CSMD1: variants seen among roughly 807,000 people sequenced by gnomAD.
CSMD1 encodes CUB and Sushi multiple domains 1.
In CSMD1, 213 loss-of-function variants were observed where a neutral mutation model predicts 417.5. That is an observed-to-expected ratio of 0.51 (90% CI 0.46 to 0.57). The LOEUF is 0.57. Among genes scored for constraint, CSMD1 ranks in the 20% least tolerant of loss-of-function variants. CSMD1 has a pLI of 0.00. For missense variants in CSMD1, 6,923 were observed against 4,529.7 expected (o/e 1.53, Z -15.17); for synonymous variants, 2,862 against 1,736.8 (o/e 1.65, Z -16.11).
chr8:4,841,785 C>T (rs957547466), intron 1 of CSMD1, among the ~76,000 whole-genome samples: 2 of 151,766 alleles, frequency 1.3e-5, no homozygotes, highest in Non-Finnish European at 2.9e-5. Context: ...GTGGCACATG[C>T]CTGTAATCCT....
At chr8:3,745,847 T>C (rs1797041265) in intron 6 of CSMD1, among the ~76,000 whole-genome samples, 1 of 152,230 alleles carries the variant, frequency 6.6e-6, no homozygotes, top group Non-Finnish European at 1.5e-5. Context: ...GTGAATAATC[T>C]GTGGTTTCCC....
intron 1 of CSMD1, among the ~76,000 whole-genome samples, chr8:4,929,162 G>A (rs528297431): frequency 6.6e-6 from 1 of 152,282 alleles, no homozygotes; most frequent in South Asian, 2.1e-4. Context: ...CACAGAGAAA[G>A]ACATCAGAGA....
chr8:2,965,787 G>A lies in CSMD1; in HGVS notation c.9268C>T (p.Pro3090Ser), dbSNP rs747716686. ...TCACCAAACAAACCTTTGCAGACAG[G>A]TTTGCTCGGATTCCACCTGCCGTCT... Reference protein sequence around the residue: ...TKDGRWNPSKPVCKAVLCPQP... With the variant: ...TKDGRWNPSKSVCKAVLCPQP... Residue 3090 changes from proline to serine, a missense_variant, in exon 59 of 70, where the codon CCT becomes TCT. Pro to Ser is a moderately conservative substitution (Grantham distance 74, BLOSUM62 -1). Coordinates refer to ENST00000635120, the MANE Select transcript of CSMD1 (RefSeq NM_033225.6). 21 of 1,605,598 alleles carry A rather than the reference G, an allele frequency of 1.3e-5. No homozygotes were observed. The highest frequency in any genetic ancestry group is 1.8e-5 in the Non-Finnish European group (21 of 1,175,922).
At chr8:3,749,845 G>C (rs1360544239) in intron 6 of CSMD1, among the ~76,000 whole-genome samples, 1 of 151,980 alleles carries the variant, frequency 6.6e-6, no homozygotes, top group African/African-American at 2.4e-5. Flanking sequence ...GAACACTGAG[G>C]TGGTTCGCGG....
At chr8:4,796,733 C>T (rs1008447641) in intron 1 of CSMD1, among the ~76,000 whole-genome samples, 1 of 152,204 alleles carries the variant, frequency 6.6e-6, no homozygotes, top group African/African-American at 2.4e-5. Context: ...CAAAATCCCT[C>T]CCATTTTTTA....
At chr8:4,047,966 G>C (rs1013828738) in intron 3 of CSMD1, among the ~76,000 whole-genome samples, 72 of 152,124 alleles carry the variant, frequency 4.7e-4, no homozygotes, top group African/African-American at 1.7e-3. Context: ...TGAGTCCTTA[G>C]GCCTTGTTTC....
At chr8:3,594,117 T>G (rs574242046) in intron 8 of CSMD1, among the ~76,000 whole-genome samples, 2 of 152,304 alleles carry the variant, frequency 1.3e-5, no homozygotes, top group African/African-American at 4.8e-5. Context: ...AACATTTAGC[T>G]GCTCCTCACT....
At chr8:4,468,246 C>A (rs1328476637) in intron 2 of CSMD1, among the ~76,000 whole-genome samples, 1 of 152,192 alleles carries the variant, frequency 6.6e-6, no homozygotes, top group Non-Finnish European at 1.5e-5. Flanking sequence ...GGAGAGCTGG[C>A]TGACTTCTGA....
At chr8:4,104,039 C>G (rs143536697) in intron 3 of CSMD1, among the ~76,000 whole-genome samples, 10 of 152,224 alleles carry the variant, frequency 6.6e-5, no homozygotes, top group Admixed American at 1.3e-4. Flanking sequence ...CAGCCTGGCC[C>G]TTCTGGGCAT....
intron 1 of CSMD1, among the ~76,000 whole-genome samples, chr8:4,701,165 A>G (rs1459757528): frequency 2.6e-5 from 4 of 152,110 alleles, no homozygotes; most frequent in Admixed American, 2.0e-4. Context: ...GCTCCCCCAC[A>G]GCTAGGGGAG....
intron 5 of CSMD1, among the ~76,000 whole-genome samples, chr8:3,773,100 G>C (rs1464602207): frequency 6.6e-6 from 1 of 152,058 alleles, no homozygotes. Flanking sequence ...ACACTCACGA[G>C]GGCTCTGTCC....
chr8:3,822,809 T>C (rs1801812957), intron 5 of CSMD1, among the ~76,000 whole-genome samples: 2 of 152,290 alleles, frequency 1.3e-5, no homozygotes, highest in East Asian at 1.9e-4. Flanking sequence ...AACAGAACTT[T>C]GGGCTTATTT....
chr8:4,871,891 C>G (rs1017083722), intron 1 of CSMD1, among the ~76,000 whole-genome samples: 3 of 152,086 alleles, frequency 2.0e-5, no homozygotes, highest in Admixed American at 6.6e-5. Context: ...TGACACCTGT[C>G]TTTCCTTGCA....
intron 3 of CSMD1, among the ~76,000 whole-genome samples, chr8:4,192,579 T>C (rs992606788): frequency 1.3e-5 from 2 of 152,224 alleles, no homozygotes; most frequent in African/African-American, 2.4e-5. Context: ...GGTATTTTAC[T>C]CTTCATCAGC....
intron 1 of CSMD1, among the ~76,000 whole-genome samples, chr8:4,708,195 C>G (rs1159772776): frequency 6.6e-6 from 1 of 152,102 alleles, no homozygotes; most frequent in Non-Finnish European, 1.5e-5. Flanking sequence ...AACAATCCAC[C>G]TACCTGGGCC....
intron 1 of CSMD1, among the ~76,000 whole-genome samples, chr8:4,904,027 T>A (rs575410083): frequency 6.6e-6 from 1 of 152,312 alleles, no homozygotes; most frequent in Admixed American, 6.5e-5. Flanking sequence ...ATTTTAATAC[T>A]TTTTTTGGAG....
intron 3 of CSMD1, among the ~76,000 whole-genome samples, chr8:4,185,779 A>G (rs1332476873): frequency 6.6e-6 from 1 of 152,154 alleles, no homozygotes; most frequent in Non-Finnish European, 1.5e-5. Context: ...CTACCAGTGG[A>G]AATGTGTAAG....
chr8:4,387,912 A>C (rs1477714229), intron 3 of CSMD1, among the ~76,000 whole-genome samples: 4 of 152,146 alleles, frequency 2.6e-5, no homozygotes, highest in Non-Finnish European at 4.4e-5. Context: ...TATAAAGAAA[A>C]AAATATGACT....
rs111435720 is a variant in CSMD1, at chr8:4,441,102, T to G, written c.303-21037A>C. On this transcript the variant is annotated intron_variant, in intron 2 of 69. Coordinates refer to ENST00000635120, the MANE Select transcript of CSMD1 (RefSeq NM_033225.6). ...TGACTCGTTAATCAAAAGGTTTTTTTTTTTTTTTTTTTTTTTAAGAGATAG... is the reference window on the plus strand; with the variant it reads ...TGACTCGTTAATCAAAAGGTTTTTTGTTTTTTTTTTTTTTTTAAGAGATAG... Among the ~76,000 whole-genome samples, 32 of 91,386 alleles carry G rather than the reference T, an allele frequency of 3.5e-4. 1 individual carries two copies. Among genetic ancestry groups the G allele is most frequent in the South Asian group, 9.1e-4 (2 of 2,206 alleles). 60.0% of individuals were successfully genotyped at this position (91,386 alleles called of 152,430 possible). A position where few individuals can be genotyped will look rare whatever the true frequency, so the allele number is the denominator to read the frequency against.
Sources: gnomAD v4.1 joint callset for allele counts (sites outside exome capture counted in the v4.1 genomes callset) on GRCh38, gnomAD v4.1.1 for gene constraint, MANE v1.5 for transcripts, NCBI Gene and HGNC (gene_info 2026-07-23, HGNC 2026-07-21) for gene names.